The following EPHA6 variants were observed in gnomAD, a reference collection of about 807,000 sequenced individuals.
EPHA6 encodes EPH receptor A6.
Under a neutral mutation model 112.0 loss-of-function variants are expected in EPHA6, and 50 were observed. The observed-to-expected ratio is 0.45, with a 90% CI of 0.36 to 0.56. The LOEUF (loss-of-function observed/expected upper bound fraction) is 0.56. Among genes scored for constraint, EPHA6 ranks in the 20% least tolerant of loss-of-function variants. The probability of loss-of-function intolerance (pLI) is 0.00; values close to 1 mark genes in which losing one functional copy is unlikely to be tolerated. For synonymous variants in EPHA6, 529 were observed against 490.7 expected, an observed-to-expected ratio of 1.08 and a Z score of -1.03; for missense variants, 1,280 against 1,417.4, an observed-to-expected ratio of 0.90 and a Z score of 1.56.
chr3:97,593,600 C>A (rs2093563658), intron 12 of EPHA6, among the ~76,000 whole-genome samples: 1 of 152,064 alleles, frequency 6.6e-6, no homozygotes, highest in East Asian at 1.9e-4. Context: ...GCCCAGCCTG[C>A]AATGTAATGG....
chr3:97,599,552 G>A (rs1405115169), intron 12 of EPHA6, among the ~76,000 whole-genome samples: 1 of 149,280 alleles, frequency 6.7e-6, no homozygotes, highest in African/African-American at 2.5e-5. Flanking sequence ...GTTTTTCTCA[G>A]GTTTGTCAAA....
At chr3:97,568,113 C>T (rs1019174500) in intron 11 of EPHA6, among the ~76,000 whole-genome samples, 1 of 152,070 alleles carries the variant, frequency 6.6e-6, no homozygotes, top group Middle Eastern at 3.2e-3. Context: ...AGCCTGGGCC[C>T]TTTGCTAGCT....
At chr3:97,125,211 A>T (rs1345212190) in intron 3 of EPHA6, among the ~76,000 whole-genome samples, 1 of 152,202 alleles carries the variant, frequency 6.6e-6, no homozygotes, top group Non-Finnish European at 1.5e-5. Flanking sequence ...TCTTTGAACT[A>T]AATGTCTTAA....
intron 10 of EPHA6, among the ~76,000 whole-genome samples, chr3:97,506,020 G>A (rs1032172486): frequency 6.6e-6 from 1 of 151,834 alleles, no homozygotes; most frequent in Non-Finnish European, 1.5e-5. Flanking sequence ...CTTTGCCCAC[G>A]TTTTGATGGG....
chr3:97,477,500 G>A (rs1327161840), intron 8 of EPHA6, among the ~76,000 whole-genome samples: 4 of 150,788 alleles, frequency 2.7e-5, no homozygotes, highest in Non-Finnish European at 4.4e-5. Context: ...AGGAAAGGAA[G>A]GAGAGAAAGA....
intron 5 of EPHA6, among the ~76,000 whole-genome samples, chr3:97,394,020 T>A (rs1321362673): frequency 6.6e-6 from 1 of 151,786 alleles, no homozygotes; most frequent in Non-Finnish European, 1.5e-5. Flanking sequence ...GTGAATAGTA[T>A]TGTAATGAAC....
At chr3:97,381,923 G>A (rs556450691) in intron 5 of EPHA6, among the ~76,000 whole-genome samples, 1 of 151,910 alleles carries the variant, frequency 6.6e-6, no homozygotes, top group Non-Finnish European at 1.5e-5. Flanking sequence ...AAATTATTCT[G>A]TTCCCATTCA....
At chr3:97,060,923 CAAAAAAAAAAAAAAA>C (rs71623565) in intron 3 of EPHA6, among the ~76,000 whole-genome samples, 4 of 21,224 alleles carry the variant, frequency 1.9e-4, no homozygotes, top group African/African-American at 3.9e-4. Context: ...GACTCCGTCT[CAAAAAAAAAAAAAAA>C]AAAAAAAAAA....
intron 3 of EPHA6, among the ~76,000 whole-genome samples, chr3:97,103,788 G>A (rs546970241): frequency 1.3e-5 from 2 of 152,124 alleles, no homozygotes; most frequent in East Asian, 1.9e-4. Flanking sequence ...ATCATGGAAC[G>A]TTTTCCATTT....
intron 14 of EPHA6, among the ~76,000 whole-genome samples, chr3:97,700,092 T>C (rs995503623): frequency 6.6e-6 from 1 of 152,240 alleles, no homozygotes; most frequent in African/African-American, 2.4e-5. Flanking sequence ...CTTCTTCATG[T>C]GGACCACAAA....
intron 3 of EPHA6, among the ~76,000 whole-genome samples, chr3:97,098,223 G>A (rs2047301737): frequency 6.6e-6 from 1 of 151,922 alleles, no homozygotes; most frequent in Admixed American, 6.6e-5. Context: ...ATTGGACCAA[G>A]TCTGATTCAT....
At position 97,039,627 on chromosome 3, in the gene EPHA6, G is replaced by A. The variant is rs1031767229; in HGVS notation, c.1114+51634G>A. 1.9e-4 allele frequency among the ~76,000 whole-genome samples: 29 copies of A among 151,948 alleles called. 1 individual carries two copies. The highest frequency in any genetic ancestry group is 1.1e-3 in the Admixed American group (17 of 15,228). On this transcript the variant is annotated intron_variant, in intron 3 of 17. Coordinates refer to ENST00000389672, the MANE Select transcript of EPHA6 (RefSeq NM_001080448.3). The stretch of plus-strand genomic sequence containing the variant: ...TATTTTTAAAATATCTTAATTTGGG[G>A]CATTTTACTTTTAGCTTGTAATTTC...
intron 3 of EPHA6, among the ~76,000 whole-genome samples, chr3:97,183,103 T>G (rs983922511): frequency 6.6e-6 from 1 of 152,120 alleles, no homozygotes; most frequent in Non-Finnish European, 1.5e-5. Flanking sequence ...TAGCTTAATT[T>G]TATTTAATAA....
At chr3:97,279,699 A>G (rs930681401) in intron 5 of EPHA6, among the ~76,000 whole-genome samples, 1 of 152,228 alleles carries the variant, frequency 6.6e-6, no homozygotes, top group Non-Finnish European at 1.5e-5. Context: ...AAAAGATTAT[A>G]TGTTTAATCT....
At chr3:97,315,727 T>C (rs1319270465) in intron 5 of EPHA6, among the ~76,000 whole-genome samples, 2 of 151,796 alleles carry the variant, frequency 1.3e-5, no homozygotes, top group African/African-American at 2.4e-5. Context: ...AGCTTCAGTA[T>C]ATAATTACAC....
chr3:96,859,809 A>G (rs1444724108), intron 1 of EPHA6, among the ~76,000 whole-genome samples: 6 of 152,036 alleles, frequency 3.9e-5, no homozygotes, highest in Admixed American at 3.3e-4. Flanking sequence ...ATTACTGACA[A>G]TTTTGATGGT....
intron 11 of EPHA6, among the ~76,000 whole-genome samples, chr3:97,539,126 TTTTCTTTC>T (rs566999746): frequency 0.014 from 1,971 of 145,376 alleles, 45 homozygotes; most frequent in African/African-American, 0.045. Context: ...CTTTCTTTCT[TTTTCTTTC>T]TTTCTTTCTT....
chr3:97,561,616 G>A (rs1278246877), intron 11 of EPHA6, among the ~76,000 whole-genome samples: 1 of 152,064 alleles, frequency 6.6e-6, no homozygotes, highest in South Asian at 2.1e-4. Flanking sequence ...AAAAGTGCAA[G>A]GCAAAGCAGC....
chr3:97,092,603 A>C (rs1306087187), intron 3 of EPHA6, among the ~76,000 whole-genome samples: 2 of 152,002 alleles, frequency 1.3e-5, no homozygotes, highest in African/African-American at 4.8e-5. Flanking sequence ...TAATTTGATG[A>C]GTTACTAGCA....
Sources: gnomAD v4.1 joint callset for allele counts (sites outside exome capture counted in the v4.1 genomes callset) on GRCh38, gnomAD v4.1.1 for gene constraint, MANE v1.5 for transcripts, NCBI Gene and HGNC (gene_info 2026-07-23, HGNC 2026-07-21) for gene names.